GPD2: variants seen among roughly 807,000 people sequenced by gnomAD.
GPD2 encodes glycerol-3-phosphate dehydrogenase, mitochondrial.
Under a neutral mutation model 82.4 loss-of-function variants are expected in GPD2, and 54 were observed. The ratio of observed to expected loss-of-function variants is 0.66; its 90% CI spans 0.53 to 0.82. The LOEUF (loss-of-function observed/expected upper bound fraction) is 0.82. Among genes scored for constraint, GPD2 ranks in the 40% least tolerant of loss-of-function variants. The pLI is 0.00. For synonymous variants in GPD2, 288 were observed against 306.1 expected (o/e 0.94, Z 0.62); for missense variants, 748 against 896.2 (o/e 0.83, Z 2.11).
rs570710210 is a variant in GPD2, at chr2:156,513,492, T to A, written c.657T>A (p.Tyr219Ter). The A allele has an allele frequency of 6.2e-7, 1 of 1,610,650 alleles. No homozygotes were observed. The highest frequency in any genetic ancestry group is 2.2e-5 in the East Asian group (1 of 44,846). ...KDKLVGAIVYYDGQHNDARMN... is the reference protein window; with the variant it reads ...KDKLVGAIVY ...AACTGGTAGGAGCAATTGTCTACTATGACGGTATGTGATGTTTTTTTTTTT... is the reference window on the plus strand; with the variant it reads ...AACTGGTAGGAGCAATTGTCTACTAAGACGGTATGTGATGTTTTTTTTTTT... The change falls in exon 6 of 17, where the codon TAT (tyrosine) becomes TAA (stop). Residue 219 changes from tyrosine to a stop codon, truncating the protein, a stop_gained. Transcript: ENST00000438166. LOFTEE classifies it high-confidence loss of function.
the GPD2 span, among the ~76,000 whole-genome samples, chr2:156,403,636 T>TGC: frequency 2.7e-4 from 41 of 151,934 alleles, no homozygotes; most frequent in South Asian, 1.0e-3. Context: ...TGTGTGTGTG[T>TGC]GCGCCTGCAT....
At chr2:156,474,510 G>A (rs1273319318) in intron 1 of GPD2, among the ~76,000 whole-genome samples, 1 of 152,132 alleles carries the variant, frequency 6.6e-6, no homozygotes, top group East Asian at 1.9e-4. Flanking sequence ...CCCCTACAAG[G>A]AAATAGGGTA....
intron 1 of GPD2, among the ~76,000 whole-genome samples, chr2:156,465,289 ACT>A (rs939558568): frequency 6.7e-6 from 1 of 148,970 alleles, no homozygotes; most frequent in Non-Finnish European, 1.5e-5. Flanking sequence ...GACATTTAAA[ACT>A]CTTTGATTTG....
At chr2:156,480,776 T>C (rs375342914) in intron 2 of GPD2, among the ~76,000 whole-genome samples, 89 of 144,090 alleles carry the variant, frequency 6.2e-4, no homozygotes, top group Middle Eastern at 3.5e-3. Context: ...CTCTCTCTCT[T>C]TTTTTTTTTT....
At chr2:156,481,427 G>A (rs149360742) in intron 2 of GPD2, among the ~76,000 whole-genome samples, 182 of 152,038 alleles carry the variant, frequency 1.2e-3, no homozygotes, top group African/African-American at 4.3e-3. Flanking sequence ...GTAACTTTGT[G>A]TGTATTAACC....
At chr2:156,485,979 G>T (rs1376762366) in intron 2 of GPD2, among the ~76,000 whole-genome samples, 2 of 152,148 alleles carry the variant, frequency 1.3e-5, no homozygotes, top group Non-Finnish European at 1.5e-5. Flanking sequence ...TGGATTCCTG[G>T]AAGAACTGTT....
chr2:156,462,946 A>G (rs1046637501), intron 1 of GPD2, among the ~76,000 whole-genome samples: 7 of 152,240 alleles, frequency 4.6e-5, no homozygotes, highest in African/African-American at 1.2e-4. Flanking sequence ...TGTTGTGTAC[A>G]TATATCCTAG....
intron 6 of GPD2, among the ~76,000 whole-genome samples, chr2:156,543,702 C>G (rs763964847): frequency 1.3e-5 from 2 of 152,036 alleles, no homozygotes; most frequent in Non-Finnish European, 2.9e-5. Flanking sequence ...ATAGTAAGGA[C>G]AACATGAGCA....
rs201273761 is a variant in GPD2, at chr2:156,476,651, T to C, written c.102+444T>C. On this transcript the variant is annotated intron_variant, in intron 2 of 16. Coordinates refer to ENST00000438166, the MANE Select transcript of GPD2 (RefSeq NM_000408.5). ...TATTTCTTCAAGGTTTAGTTACTTATGAAGTATTACTTTGTGTTAGGTAAA... is the reference window on the plus strand; with the variant it reads ...TATTTCTTCAAGGTTTAGTTACTTACGAAGTATTACTTTGTGTTAGGTAAA... Among the ~76,000 whole-genome samples, 7 of 152,350 alleles carry C rather than the reference T, an allele frequency of 4.6e-5. No individual in the cohort carries two copies. In the East Asian group the frequency reaches 1.3e-3, roughly 29 times the overall value.
At chr2:156,462,455 T>A (rs1683021553) in intron 1 of GPD2, among the ~76,000 whole-genome samples, 1 of 63,788 alleles carries the variant, frequency 1.6e-5, no homozygotes, top group Non-Finnish European at 5.0e-5. Context: ...CCGGATACAT[T>A]TTTTTTTTTT....
intron 1 of GPD2, among the ~76,000 whole-genome samples, chr2:156,470,161 T>C (rs1270296707): frequency 6.6e-6 from 1 of 151,964 alleles, no homozygotes; most frequent in Admixed American, 6.6e-5. Flanking sequence ...CACAGAGGAG[T>C]GACAAATGTA....
At chr2:156,434,345 G>A (rs1484071893), upstream of GPD2, among the ~76,000 whole-genome samples, 1 of 152,094 alleles carries the variant, frequency 6.6e-6, no homozygotes, top group African/African-American at 2.4e-5. Context: ...CTCGTGATCT[G>A]CCCACCTCAG....
chr2:156,458,807 A>G (rs1682876731), intron 1 of GPD2, among the ~76,000 whole-genome samples: 1 of 152,110 alleles, frequency 6.6e-6, no homozygotes, highest in African/African-American at 2.4e-5. Flanking sequence ...GCACACGTAT[A>G]TTCCACATTT....
At chr2:156,401,092 G>T in the GPD2 span, among the ~76,000 whole-genome samples, 7 of 152,238 alleles carry the variant, frequency 4.6e-5, no homozygotes, top group South Asian at 1.5e-3. Flanking sequence ...CCCTGTTATT[G>T]AACTTTGAGG....
At chr2:156,553,229 A>G (rs1686832055) in intron 8 of GPD2, among the ~76,000 whole-genome samples, 1 of 152,072 alleles carries the variant, frequency 6.6e-6, no homozygotes, top group Non-Finnish European at 1.5e-5. Context: ...AGGTTTGACA[A>G]TGATCCTTGG....
chr2:156,492,394 C>A (rs1169827960), intron 2 of GPD2, among the ~76,000 whole-genome samples: 2 of 151,238 alleles, frequency 1.3e-5, no homozygotes, highest in Admixed American at 1.3e-4. Context: ...CTCAGGTGAT[C>A]CTCCTGCTTT....
In GPD2 at chr2:156,569,437, G is replaced by A. The variant is rs1173192665; in HGVS notation, c.1375G>A (p.Ala459Thr). The A allele has an allele frequency of 1.2e-6, 2 of 1,611,030 alleles. No homozygotes were observed. The highest frequency in any genetic ancestry group is 1.7e-6 in the Non-Finnish European group (2 of 1,177,496). The stretch of plus-strand genomic sequence containing the variant: ...TGCTGTCAAAACTCATAATTTAAAA[G>A]CAGGACCAAGTAGAACAGTTGGGCT... ...NAAVKTHNLKAGPSRTVGLFL... is the reference protein window; with the variant it reads ...NAAVKTHNLKTGPSRTVGLFL... Residue 459 changes from alanine to threonine, a missense_variant, in exon 11 of 17, where the codon GCA becomes ACA. By Grantham distance (58) the Ala-to-Thr change is moderately conservative. Around this residue, in one of 3 missense-constraint regions of GPD2, gnomAD observed 692 missense variants for 809.7 expected, o/e 0.85. Coordinates refer to ENST00000438166, the MANE Select transcript of GPD2 (RefSeq NM_000408.5).
At chr2:156,428,862 G>A in the GPD2 span, among the ~76,000 whole-genome samples, 1 of 152,166 alleles carries the variant, frequency 6.6e-6, no homozygotes, top group East Asian at 1.9e-4. Flanking sequence ...GATAGAGGAG[G>A]AATGAAGGAG....
At chr2:156,488,510 C>T (rs1187477831) in intron 2 of GPD2, among the ~76,000 whole-genome samples, 1 of 152,142 alleles carries the variant, frequency 6.6e-6, no homozygotes, top group Non-Finnish European at 1.5e-5. Context: ...TACAGGACAA[C>T]CTGGTTGTTA....
Sources: allele counts gnomAD v4.1 joint callset (sites outside exome capture counted in the v4.1 genomes callset), GRCh38; gene constraint gnomAD v4.1.1; regional missense constraint gnomAD v4.1.1; transcripts MANE v1.5; gene names NCBI Gene and HGNC (gene_info 2026-07-23, HGNC 2026-07-21).